The following MAML2 variants were observed in gnomAD, a reference collection of about 807,000 sequenced individuals.
MAML2 encodes mastermind-like protein 2.
A neutral mutation model predicts 96.1 loss-of-function variants in MAML2; 22 were observed. The observed-to-expected ratio is 0.23, with a 90% confidence interval of 0.16 to 0.33. The LOEUF is 0.33. Ranked by LOEUF, MAML2 falls within the 10% of genes least tolerant of loss-of-function variation. The pLI, the probability that MAML2 is intolerant of heterozygous loss-of-function variation, is 1.00. For missense variants in MAML2, 1,367 were observed against 1,392.4 expected (o/e 0.98, Z 0.29); for synonymous variants, 561 against 521.3 (o/e 1.08, Z -1.04).
intron 1 of MAML2, among the ~76,000 whole-genome samples, chr11:96,156,098 G>T (rs1473645231): frequency 6.6e-6 from 1 of 152,144 alleles, no homozygotes; most frequent in African/African-American, 2.4e-5. Flanking sequence ...AAATGCTCCT[G>T]GTTTGCTAAC....
intron 2 of MAML2, among the ~76,000 whole-genome samples, chr11:96,084,605 C>T (rs138134849): frequency 6.6e-5 from 10 of 152,204 alleles, no homozygotes; most frequent in African/African-American, 1.4e-4. Context: ...TCAAGGCCTG[C>T]GATGAAACAG....
intron 1 of MAML2, among the ~76,000 whole-genome samples, chr11:96,228,749 T>TAACAG (rs1862249095): frequency 6.6e-6 from 1 of 152,150 alleles, no homozygotes; most frequent in African/African-American, 2.4e-5. Flanking sequence ...TATAAAGTCT[T>TAACAG]AACAGAGTGA....
Position 96,341,585 on chromosome 11 carries a change from G to A in MAML2, c.311C>T (p.Ala104Val). ...AGGGGCAGCAGGGGGCGGTGGAGGG[G>A]CTGTAGTGGTGGCAGCAGTGGCGGT... ...KATATAATTT[A>V]PPPPPAAPPA... Residue 104 changes from alanine to valine, a missense_variant, in exon 1 of 5, where the codon GCC becomes GTC. Ala to Val is a moderately conservative substitution (Grantham distance 64). Transcript: ENST00000524717. The A allele has an allele frequency of 1.3e-6, 2 of 1,551,468 alleles. No homozygotes were observed.
chr11:96,000,430 A>G (rs1437889520), intron 2 of MAML2, among the ~76,000 whole-genome samples: 5 of 152,210 alleles, frequency 3.3e-5, no homozygotes, highest in African/African-American at 1.2e-4. Context: ...GTTGTGCCAG[A>G]GACCTACGGC....
chr11:96,208,839 G>C (rs1380320213), intron 1 of MAML2, among the ~76,000 whole-genome samples: 1 of 152,106 alleles, frequency 6.6e-6, no homozygotes, highest in Non-Finnish European at 1.5e-5. Context: ...GATATGAATG[G>C]AAAAATCTTC....
intron 1 of MAML2, among the ~76,000 whole-genome samples, chr11:96,237,790 AGAGTTTACACC>A (rs1862385163): frequency 6.6e-6 from 1 of 152,226 alleles, no homozygotes; most frequent in Non-Finnish European, 1.5e-5. Context: ...ACAGATTTCC[AGAGTTTACACC>A]TTGCTCATTG....
intron 1 of MAML2, among the ~76,000 whole-genome samples, chr11:96,115,545 A>C (rs1860221183): frequency 6.6e-6 from 1 of 151,976 alleles, no homozygotes; most frequent in Non-Finnish European, 1.5e-5. Context: ...TCAACTGACC[A>C]ATATGTGTCT....
intron 1 of MAML2, among the ~76,000 whole-genome samples, chr11:96,314,001 C>G (rs1863591946): frequency 6.6e-6 from 1 of 152,188 alleles, no homozygotes. Context: ...AGTAATTCAT[C>G]TGGTGTTTCT....
intron 1 of MAML2, among the ~76,000 whole-genome samples, chr11:96,215,783 C>CA (rs1317628913): frequency 3.9e-5 from 6 of 152,120 alleles, no homozygotes; most frequent in Non-Finnish European, 7.4e-5. Context: ...GTTGTTCCCT[C>CA]TCTTTAACCC....
chr11:96,057,078 A>G (rs1165381823), intron 2 of MAML2, among the ~76,000 whole-genome samples: 1 of 152,180 alleles, frequency 6.6e-6, no homozygotes, highest in Non-Finnish European at 1.5e-5. Flanking sequence ...TTGCCCCCAA[A>G]TCACCCAGAT....
chr11:96,335,321 C>G (rs1284190730), intron 1 of MAML2, among the ~76,000 whole-genome samples: 1 of 152,134 alleles, frequency 6.6e-6, no homozygotes, highest in African/African-American at 2.4e-5. Flanking sequence ...AGTATACAGG[C>G]AAACTCATTT....
In MAML2 at chr11:95,997,006, G is replaced by C. The variant is rs1413766806; in HGVS notation, c.2140-5283C>G. Among the ~76,000 whole-genome samples, 4 of 152,094 alleles carry C rather than the reference G, an allele frequency of 2.6e-5. No homozygotes were observed. In the East Asian group the frequency reaches 7.7e-4, roughly 29 times the overall value. On this transcript the variant is annotated intron_variant, in intron 2 of 4. Transcript: ENST00000524717. ...ATGTGTGTGATTGTGAAAGAATTAG[G>C]CTATTTCCATCTAGGTAGTCTTTCA...
intron 1 of MAML2, among the ~76,000 whole-genome samples, chr11:96,310,022 T>C (rs1863515531): frequency 6.6e-6 from 1 of 152,150 alleles, no homozygotes; most frequent in Non-Finnish European, 1.5e-5. Flanking sequence ...TTTAAGACTC[T>C]GAAGTTTCCA....
intron 2 of MAML2, among the ~76,000 whole-genome samples, chr11:96,070,074 G>A (rs1036162018): frequency 1.3e-5 from 2 of 150,112 alleles, no homozygotes; most frequent in Non-Finnish European, 3.0e-5. Context: ...GGTGGATCAC[G>A]AGGTCAGGAG....
At position 96,341,476 on chromosome 11, in the gene MAML2, G is replaced by C. The variant is rs1383810807; in HGVS notation, c.420C>G (p.Asn140Lys). ...YHHHHQQHLL[N>K]SSNNGGSGGI... Reference sequence around the variant, plus strand: ...CACCACTGCCACCATTATTGCTACTGTTCAGCAGGTGCTGCTGGTGGTGAT... The same window carrying C: ...CACCACTGCCACCATTATTGCTACTCTTCAGCAGGTGCTGCTGGTGGTGAT... Residue 140 changes from asparagine to lysine, a missense_variant, in exon 1 of 5, where the codon AAC (asparagine) becomes AAG (lysine). Coordinates refer to ENST00000524717, the MANE Select transcript of MAML2 (RefSeq NM_032427.4). 1 of 1,551,376 alleles carries C rather than the reference G, an allele frequency of 6.4e-7. No homozygotes were observed. Among genetic ancestry groups the C allele is most frequent in the East Asian group, 2.4e-5 (1 of 40,914 alleles).
chr11:96,123,777 A>C (rs915048675), intron 1 of MAML2, among the ~76,000 whole-genome samples: 1 of 152,120 alleles, frequency 6.6e-6, no homozygotes, highest in Non-Finnish European at 1.5e-5. Context: ...TCACAGACAG[A>C]AATTAAGAGT....
At chr11:96,051,318 C>T (rs1242819268) in intron 2 of MAML2, among the ~76,000 whole-genome samples, 1 of 152,062 alleles carries the variant, frequency 6.6e-6, no homozygotes, top group African/African-American at 2.4e-5. Context: ...ATTAGTAATA[C>T]CAGTAATACT....
In MAML2 at chr11:96,091,927, CTGCA is replaced by C. The variant is rs1297540637; in HGVS notation, c.2100_2103del (p.Ile700MetfsTer19). ...TGTTGGGAGACTTGGTATCCCATTC[CTGCA>C]ATGGGCTGATTCTGCATTTGCTGAA... On this transcript the variant is annotated frameshift_variant, in exon 2 of 5. Transcript: ENST00000524717. LOFTEE classifies it high-confidence loss of function. 6.2e-7 allele frequency: 1 copy of C among 1,613,362 alleles called. No homozygotes were observed.
intron 2 of MAML2, among the ~76,000 whole-genome samples, chr11:96,038,510 A>C (rs1858754841): frequency 6.6e-6 from 1 of 152,240 alleles, no homozygotes. Context: ...ATCGCTTAGA[A>C]CTTTCTCATC....
Sources: allele counts gnomAD v4.1 joint callset (sites outside exome capture counted in the v4.1 genomes callset), GRCh38; gene constraint gnomAD v4.1.1; transcripts MANE v1.5; gene names NCBI Gene and HGNC (gene_info 2026-07-23, HGNC 2026-07-21).